Variants in PLEKHA5 observed in about 807,000 individuals in gnomAD.
The protein encoded by PLEKHA5 is pleckstrin homology domain-containing family A member 5.
Under a neutral mutation model 181.9 loss-of-function variants are expected in PLEKHA5, and 55 were observed. That is an observed-to-expected ratio of 0.30 (90% CI 0.24 to 0.38). PLEKHA5 has a LOEUF of 0.38. Among genes scored for constraint, PLEKHA5 ranks in the 10% least tolerant of loss-of-function variants. The pLI is 1.00. For missense variants in PLEKHA5, 1,432 were observed against 1,549.5 expected (o/e 0.92, Z 1.27); for synonymous variants, 535 against 529.4 (o/e 1.01, Z -0.15).
At chr12:19,330,057 CA>C (rs1447618501) in intron 20 of PLEKHA5, among the ~76,000 whole-genome samples, 1 of 152,114 alleles carries the variant, frequency 6.6e-6, no homozygotes, top group Non-Finnish European at 1.5e-5. Context: ...TTTCAAAAAA[CA>C]AAACAAAAGA....
chr12:19,246,031 T>C (rs1197044873), intron 3 of PLEKHA5, among the ~76,000 whole-genome samples: 10 of 150,748 alleles, frequency 6.6e-5, no homozygotes, highest in East Asian at 2.0e-4. Context: ...CAGGCTGTAG[T>C]GTAGTGGCAT....
rs889340104 is a variant in PLEKHA5 at position 19,353,992 on chromosome 12, A to T, written c.3128A>T (p.Asp1043Val). The change falls in exon 26 of 32, where the codon GAT becomes GTT. Residue 1043 changes from aspartate to valine, a missense_variant. By Grantham distance (152) the Asp-to-Val change is radical. Around this residue, in one of 2 missense-constraint regions of PLEKHA5, gnomAD observed 1,143 missense variants for 1,168.4 expected, o/e 0.98. Transcript: ENST00000429027. Reference protein sequence around the residue: ...VTLRKTKKMMDLRTERPRSAV... With the variant: ...VTLRKTKKMMVLRTERPRSAV... ...TTGAGGAAAACTAAGAAGATGATGG[A>T]TCTAAGAACGGTATTTAACTGGAAA... 38 of 1,488,412 alleles carry T rather than the reference A, an allele frequency of 2.6e-5. No homozygotes were observed. The highest frequency in any genetic ancestry group is 3.4e-5 in the Non-Finnish European group (36 of 1,066,656). The allele number at this position is 1,488,412 out of a possible 1,614,324, so 92.2% of individuals were successfully genotyped here. A position where few individuals can be genotyped will look rare whatever the true frequency, so the allele number is the denominator to read the frequency against.
In PLEKHA5 at chr12:19,320,560, A is replaced by T. The variant is rs1433122139; in HGVS notation, c.2155-2A>T. On this transcript the variant is annotated splice_acceptor_variant, in intron 17 of 31. Coordinates refer to ENST00000429027, the MANE Select transcript of PLEKHA5 (RefSeq NM_001256470.2). LOFTEE classifies it high-confidence loss of function. ...AGTTGCTATATGATTTTTTTCTTATAGCTGTCACAAGATGAAGGTAGAGGC... is the reference window on the plus strand; with the variant it reads ...AGTTGCTATATGATTTTTTTCTTATTGCTGTCACAAGATGAAGGTAGAGGC... 1 of 1,453,356 alleles carries T rather than the reference A, an allele frequency of 6.9e-7. No individual in the cohort carries two copies. Among genetic ancestry groups the T allele is most frequent in the Admixed American group, 1.8e-5 (1 of 54,700 alleles). 90.0% of individuals were successfully genotyped at this position (1,453,356 alleles called of 1,614,324 possible).
chr12:19,255,866 A>C (rs1464533689), intron 5 of PLEKHA5, among the ~76,000 whole-genome samples: 1 of 151,128 alleles, frequency 6.6e-6, no homozygotes, highest in Non-Finnish European at 1.5e-5. Context: ...AAACTAAGAA[A>C]AAAACAATGG....
intron 20 of PLEKHA5, among the ~76,000 whole-genome samples, chr12:19,334,736 T>C (rs944476149): frequency 6.9e-6 from 1 of 145,722 alleles, no homozygotes; most frequent in African/African-American, 2.5e-5. Flanking sequence ...ATCTCAGCAC[T>C]ATGAGAGGCC....
chr12:19,309,537 C>G (rs1565600080), intron 15 of PLEKHA5, among the ~76,000 whole-genome samples: 1 of 151,970 alleles, frequency 6.6e-6, no homozygotes, highest in Non-Finnish European at 1.5e-5. Flanking sequence ...GGGCGGATCC[C>G]CTGAGGTCAG....
Position 19,347,024 on chromosome 12 carries a change from C to G in PLEKHA5, c.2740C>G (p.Leu914Val). 4 of 1,550,400 alleles carry G rather than the reference C, an allele frequency of 2.6e-6. No individual in the cohort carries two copies. Among genetic ancestry groups the G allele is most frequent in the Non-Finnish European group, 3.5e-6 (4 of 1,146,188 alleles). Residue 914 changes from leucine (L) to valine (V), a missense_variant, in exon 24 of 32, where the codon CTT becomes GTT. Transcript: ENST00000429027. ...GGAAGTAGTCCCACCTCGTCCTCCA[C>G]TTCCTCGGTCCTATGACTTTACAGA... Reference protein sequence around the residue: ...EEEVVPPRPPLPRSYDFTEQP... With the variant: ...EEEVVPPRPPVPRSYDFTEQP...
chr12:19,319,400 C>A (rs560291457), intron 16 of PLEKHA5, among the ~76,000 whole-genome samples: 2 of 152,096 alleles, frequency 1.3e-5, no homozygotes, highest in Non-Finnish European at 2.9e-5. Context: ...TCCCACATTT[C>A]TAGATCAATT....
chr12:19,228,741 C>T (rs567720515), intron 3 of PLEKHA5, among the ~76,000 whole-genome samples: 79 of 152,278 alleles, frequency 5.2e-4, no homozygotes, highest in African/African-American at 1.9e-3. Flanking sequence ...ATTCCACTTA[C>T]CCACCCACAC....
At chr12:19,279,735 A>G (rs944652579) in intron 11 of PLEKHA5, among the ~76,000 whole-genome samples, 2 of 151,814 alleles carry the variant, frequency 1.3e-5, no homozygotes, top group Admixed American at 6.6e-5. Context: ...CCCTGCCCCC[A>G]ATATTCTGAA....
intron 31 of PLEKHA5, chr12:19,372,570 G>A (rs1201689085): frequency 6.6e-6 from 1 of 151,550 alleles, no homozygotes; most frequent in Non-Finnish European, 1.5e-5. Flanking sequence ...TCAGCCCAAA[G>A]TATTTTGTTG....
intron 3 of PLEKHA5, among the ~76,000 whole-genome samples, chr12:19,246,761 C>T (rs2063857969): frequency 6.6e-6 from 1 of 152,096 alleles, no homozygotes; most frequent in African/African-American, 2.4e-5. Context: ...TGAAGTTTCG[C>T]ATGGTTTTGG....
Position 19,361,787 on chromosome 12 carries a change from C to T in PLEKHA5, c.3608+81C>T, listed in dbSNP as rs1217356109. The T allele has an allele frequency of 4.8e-6, 6 of 1,245,964 alleles. No homozygotes were observed. The Admixed American group carries it at 1.1e-4, about 22-fold the overall frequency. 77.2% of individuals were successfully genotyped at this position (1,245,964 alleles called of 1,614,324 possible). On this transcript the variant is annotated intron_variant, in intron 29 of 31. Coordinates refer to ENST00000429027, the MANE Select transcript of PLEKHA5 (RefSeq NM_001256470.2). Reference sequence around the variant, plus strand: ...ATGGTGAACTTCAGAGTCAAAAGTACTGGATTTCAGCCCCAGCTTAGCTAC... The same window carrying T: ...ATGGTGAACTTCAGAGTCAAAAGTATTGGATTTCAGCCCCAGCTTAGCTAC...
At chr12:19,362,031 T>C (rs1452116700) in intron 29 of PLEKHA5, among the ~76,000 whole-genome samples, 2 of 150,914 alleles carry the variant, frequency 1.3e-5, no homozygotes, top group Non-Finnish European at 2.9e-5. Context: ...CCAGGCATGG[T>C]GGCATGTGCC....
intron 15 of PLEKHA5, among the ~76,000 whole-genome samples, chr12:19,309,184 G>T (rs191957813): frequency 6.6e-6 from 1 of 151,968 alleles, no homozygotes; most frequent in Non-Finnish European, 1.5e-5. Context: ...GGCTAATTAG[G>T]GTTTAATTAC....
Position 19,265,671 on chromosome 12 carries a change from T to C in PLEKHA5, c.611-79T>C. 5.1e-6 allele frequency: 4 copies of C among 789,064 alleles called. No homozygotes were observed. In the South Asian group the frequency reaches 6.4e-5, roughly 13 times the overall value. 48.9% of individuals were successfully genotyped at this position (789,064 alleles called of 1,614,324 possible). ...TCATTTATGTACAAGAACCTTTTGA[T>C]TTGGCAAAAATAGATCTTGAAAAAC... On this transcript the variant is annotated intron_variant, in intron 7 of 31. Transcript: ENST00000429027.
intron 15 of PLEKHA5, among the ~76,000 whole-genome samples, chr12:19,292,457 GGAAGATGGGT>G (rs2078700180): frequency 6.6e-6 from 1 of 152,132 alleles, no homozygotes; most frequent in Admixed American, 6.5e-5. Context: ...AAGGGAGGAA[GGAAGATGGGT>G]GAAGTGTGTA....
intron 10 of PLEKHA5, among the ~76,000 whole-genome samples, chr12:19,273,725 A>G (rs1209247648): frequency 6.6e-6 from 1 of 152,208 alleles, no homozygotes; most frequent in African/African-American, 2.4e-5. Context: ...TAACGAGCTC[A>G]TTCTTTCAGT....
rs139525088 is a variant in PLEKHA5, at chr12:19,129,829, C to T, written c.30C>T (p.Ile10=). The T allele has an allele frequency of 2.4e-3, 3,879 of 1,604,858 alleles. 10 individuals carry two copies. The highest frequency in any genetic ancestry group is 2.7e-3 in the Non-Finnish European group (3,177 of 1,176,142). The part of the protein sequence containing the change: MAADLNLEW[I]SLPRSWTYGI... ...CGGCGGATCTGAACCTGGAGTGGAT[C>T]TCCCTGCCCCGGTCCTGGACTTACG... Residue 10 remains isoleucine (I), a synonymous_variant, in exon 1 of 32, where the codon ATC becomes ATT. Coordinates refer to ENST00000429027, the MANE Select transcript of PLEKHA5 (RefSeq NM_001256470.2).
Sources: allele counts gnomAD v4.1 joint callset (sites outside exome capture counted in the v4.1 genomes callset), GRCh38; gene constraint gnomAD v4.1.1; regional missense constraint gnomAD v4.1.1; transcripts MANE v1.5; gene names NCBI Gene and HGNC (gene_info 2026-07-23, HGNC 2026-07-21).